Variants in CNTNAP2 observed in about 807,000 individuals in gnomAD.
CNTNAP2 encodes the protein contactin associated protein 2.
Under a neutral mutation model 155.2 loss-of-function variants are expected in CNTNAP2, and 98 were observed. That is an observed-to-expected ratio of 0.63 (90% confidence interval 0.54 to 0.75). CNTNAP2 has a LOEUF of 0.75. Ranked by LOEUF, CNTNAP2 falls within the 30% of genes least tolerant of loss-of-function variation. The probability of loss-of-function intolerance (pLI) is 0.00; values close to 1 mark genes in which losing one functional copy is unlikely to be tolerated. For synonymous variants in CNTNAP2, 651 were observed against 631.2 expected, an observed-to-expected ratio of 1.03 and a Z score of -0.47; for missense variants, 1,727 against 1,688.1, an observed-to-expected ratio of 1.02 and a Z score of -0.40.
chr7:148,062,511 T>C (rs930850643), intron 15 of CNTNAP2, among the ~76,000 whole-genome samples: 16 of 152,038 alleles, frequency 1.1e-4, no homozygotes, highest in Admixed American at 5.9e-4. Flanking sequence ...AAAATAGAGG[T>C]TTCCACCAAT....
chr7:147,222,811 G>GTTTTTTGTTTTTTT (rs1803434150), intron 8 of CNTNAP2, among the ~76,000 whole-genome samples: 1 of 81,922 alleles, frequency 1.2e-5, no homozygotes, highest in Admixed American at 1.4e-4. Flanking sequence ...GTTTCTCAGG[G>GTTTTTTGTTTTTTT]TTTTTTTTTT....
intron 1 of CNTNAP2, among the ~76,000 whole-genome samples, chr7:146,577,266 T>A (rs1798539844): frequency 6.6e-6 from 1 of 152,174 alleles, no homozygotes; most frequent in Non-Finnish European, 1.5e-5. Context: ...TTCTCTTTTA[T>A]TGGCAGTTAA....
intron 9 of CNTNAP2, among the ~76,000 whole-genome samples, chr7:147,369,308 A>G (rs781138521): frequency 2.0e-5 from 3 of 152,200 alleles, no homozygotes; most frequent in South Asian, 2.1e-4. Context: ...CATGTCCAGA[A>G]CCAAACTCAT....
intron 13 of CNTNAP2, among the ~76,000 whole-genome samples, chr7:147,648,588 C>T (rs1795403773): frequency 6.6e-6 from 1 of 152,186 alleles, no homozygotes; most frequent in Non-Finnish European, 1.5e-5. Context: ...AAGTGAAAGA[C>T]ATGTCTCACA....
chr7:147,047,192 T>C (rs1236944188), intron 4 of CNTNAP2, among the ~76,000 whole-genome samples: 1 of 141,548 alleles, frequency 7.1e-6, no homozygotes, highest in Non-Finnish European at 1.5e-5. Context: ...CACTGCATGC[T>C]CTGCCTCCCG....
chr7:146,333,509 C>G (rs1363126289), intron 1 of CNTNAP2, among the ~76,000 whole-genome samples: 1 of 152,148 alleles, frequency 6.6e-6, no homozygotes, highest in African/African-American at 2.4e-5. Flanking sequence ...TAGACTATAA[C>G]ACACATTTAA....
chr7:148,091,286 T>C (rs934896178), intron 15 of CNTNAP2, among the ~76,000 whole-genome samples: 2 of 152,224 alleles, frequency 1.3e-5, no homozygotes, highest in Non-Finnish European at 1.5e-5. Flanking sequence ...ATTTAGCCAT[T>C]CTACAATGTG....
chr7:146,336,686 ACT>A (rs1801281946), intron 1 of CNTNAP2, among the ~76,000 whole-genome samples: 1 of 152,120 alleles, frequency 6.6e-6, no homozygotes, highest in Non-Finnish European at 1.5e-5. Flanking sequence ...AAACTAAAAT[ACT>A]CCTCAATAAG....
chr7:148,371,162 C>T (rs1213959844), intron 21 of CNTNAP2, among the ~76,000 whole-genome samples: 1 of 151,946 alleles, frequency 6.6e-6, no homozygotes, highest in Non-Finnish European at 1.5e-5. Context: ...AAATAATTAA[C>T]AAAAATACCA....
rs1802249041 is a variant in CNTNAP2 at position 146,769,087 on chromosome 7, T to G, written c.98-5184T>G. Among the ~76,000 whole-genome samples, 3 of 152,232 alleles carry G rather than the reference T, an allele frequency of 2.0e-5. 1 individual carries two copies. In the South Asian group the frequency reaches 6.2e-4, roughly 32 times the overall value. ...GATTCATATAGCTAGTCTGCCTTCA[T>G]GATTGACTGAAATTGTGTGAAAATA... is the stretch of plus-strand genomic sequence containing the variant. On this transcript the variant is annotated intron_variant, in intron 1 of 23. Transcript: ENST00000361727.
intron 1 of CNTNAP2, among the ~76,000 whole-genome samples, chr7:146,723,362 C>G (rs1459981160): frequency 2.6e-5 from 4 of 152,128 alleles, no homozygotes; most frequent in African/African-American, 9.7e-5. Flanking sequence ...CTAAACTCCA[C>G]AATTCTGAAC....
At chr7:147,286,301 G>C (rs1394558553) in intron 8 of CNTNAP2, among the ~76,000 whole-genome samples, 1 of 151,910 alleles carries the variant, frequency 6.6e-6, no homozygotes, top group East Asian at 1.9e-4. Context: ...TTAAGAAATT[G>C]TAATAATAAT....
rs1363496835 is a variant in CNTNAP2 at position 148,204,757 on chromosome 7, A to G, written c.3011-12531A>G. ...AAATCGCTTTGTGGGTTTCTGTGAA[A>G]ACAGCTAGAGTTTGCACAATCGTCG... On this transcript the variant is annotated intron_variant, in intron 18 of 23. Transcript: ENST00000361727. Among the ~76,000 whole-genome samples the G allele has an allele frequency of 2.1e-4, 32 of 152,162 alleles. 1 individual carries two copies. Among genetic ancestry groups the G allele is most frequent in the Admixed American group, 2.1e-3 (32 of 15,268 alleles).
At chr7:146,915,930 A>G (rs1230570997) in intron 3 of CNTNAP2, 1 of 152,102 alleles carries the variant, frequency 6.6e-6, no homozygotes, top group East Asian at 1.9e-4. Context: ...GCTTTTATCC[A>G]TTCAGTATAA....
intron 1 of CNTNAP2, among the ~76,000 whole-genome samples, chr7:146,743,639 C>T (rs529532150): frequency 6.6e-6 from 1 of 151,882 alleles, no homozygotes; most frequent in East Asian, 2.0e-4. Flanking sequence ...GTACAAGTGT[C>T]TGAGTAAAGT....
chr7:147,000,076 T>C (rs891491169), intron 3 of CNTNAP2, among the ~76,000 whole-genome samples: 2 of 151,954 alleles, frequency 1.3e-5, no homozygotes, highest in Non-Finnish European at 2.9e-5. Context: ...TATTTCCTTT[T>C]TCCCCTTTGT....
chr7:147,565,084 G>C (rs10223972), intron 12 of CNTNAP2, among the ~76,000 whole-genome samples: 69,773 of 151,992 alleles, frequency 0.46, 16,183 homozygotes, highest in East Asian at 0.61. Flanking sequence ...GCATGAAGTA[G>C]TCTATAAAGT....
At chr7:146,229,673 G>A (rs1223240415) in intron 1 of CNTNAP2, among the ~76,000 whole-genome samples, 1 of 151,668 alleles carries the variant, frequency 6.6e-6, no homozygotes, top group African/African-American at 2.4e-5. Context: ...TCATCTTTTG[G>A]TAGTAAACTT....
rs188899805 is a variant in CNTNAP2 at position 147,110,399 on chromosome 7, G to A, written c.754+2049G>A. Among the ~76,000 whole-genome samples, 548 of 151,760 alleles carry A rather than the reference G, an allele frequency of 3.6e-3. 3 individuals are homozygous for A. The highest frequency in any genetic ancestry group is 0.013 in the African/African-American group (529 of 41,392). Reference sequence around the variant, plus strand: ...TTTAAATTTAAGTTCATGAATGCATGGGCAGGATGTACAACTTTGTTACAT... The same window carrying A: ...TTTAAATTTAAGTTCATGAATGCATAGGCAGGATGTACAACTTTGTTACAT... On this transcript the variant is annotated intron_variant, in intron 5 of 23. Transcript: ENST00000361727.
Sources: gnomAD v4.1 joint callset for allele counts (sites outside exome capture counted in the v4.1 genomes callset) on GRCh38, gnomAD v4.1.1 for gene constraint, MANE v1.5 for transcripts, NCBI Gene and HGNC (gene_info 2026-07-23, HGNC 2026-07-21) for gene names.